CHD6: variants seen among roughly 807,000 people sequenced by gnomAD.
CHD6 encodes the protein ATP-dependent chromatin remodeler CHD6.
CHD6 carries 50 observed loss-of-function variants against 276.9 expected under a neutral mutation model. The ratio of observed to expected loss-of-function variants is 0.18; its 90% confidence interval spans 0.14 to 0.23. The LOEUF (loss-of-function observed/expected upper bound fraction) is 0.23, where lower values mean the gene tolerates loss of function less well. CHD6 is among the 10% of genes least tolerant of loss of function. The pLI, the probability that CHD6 is intolerant of heterozygous loss-of-function variation, is 1.00. For missense variants in CHD6, 2,564 were observed against 3,365.8 expected, an observed-to-expected ratio of 0.76 and a Z score of 5.89; for synonymous variants, 1,173 against 1,229.3, an observed-to-expected ratio of 0.95 and a Z score of 0.96.
chr20:41,528,925 T>C (rs2044611768), intron 3 of CHD6, among the ~76,000 whole-genome samples: 1 of 152,180 alleles, frequency 6.6e-6, no homozygotes, highest in African/African-American at 2.4e-5. Flanking sequence ...AAGGATACCA[T>C]GGAGTATGCA....
At chr20:41,454,577 G>A (rs2048330512) in intron 20 of CHD6, 49 bp downstream of exon 20, 1 of 1,381,206 alleles carries the variant, frequency 7.2e-7, no homozygotes. Context: ...TTATTGTCAT[G>A]TATGACATAA....
Position 41,592,794 on chromosome 20 carries a change from T to A in CHD6, c.-24+25546A>T, listed in dbSNP as rs1389499507. 3.9e-5 allele frequency among the ~76,000 whole-genome samples: 6 copies of A among 152,066 alleles called. No homozygotes were observed. The East Asian group carries it at 1.2e-3, about 29-fold the overall frequency. On this transcript the variant is annotated intron_variant, in intron 1 of 36. Coordinates refer to ENST00000373233, the MANE Select transcript of CHD6 (RefSeq NM_032221.5). ...CGGGGATGCCATGACTTCCCAAGAT[T>A]CCCTGTTTTACATTAGGCTGGGTCT...
At chr20:41,540,043 G>C (rs1037869710) in intron 2 of CHD6, among the ~76,000 whole-genome samples, 2 of 152,204 alleles carry the variant, frequency 1.3e-5, no homozygotes, top group Non-Finnish European at 2.9e-5. Context: ...CCATCATCAT[G>C]TCTGGGTGAT....
chr20:41,418,684 T>C (rs946588742), intron 31 of CHD6, among the ~76,000 whole-genome samples: 1 of 152,094 alleles, frequency 6.6e-6, no homozygotes, highest in African/African-American at 2.4e-5. Context: ...ACCAATTAAT[T>C]ACTGCTCCTT....
chr20:41,523,975 C>G (rs1394105674), intron 3 of CHD6, among the ~76,000 whole-genome samples: 2 of 152,114 alleles, frequency 1.3e-5, no homozygotes, highest in East Asian at 3.8e-4. Flanking sequence ...CAGAGCCTTA[C>G]GGAAAGAATG....
Position 41,431,527 on chromosome 20 carries a change from A to T in CHD6, c.4069-5374T>A, listed in dbSNP as rs529471115. Among the ~76,000 whole-genome samples, 3 of 152,302 alleles carry T rather than the reference A, an allele frequency of 2.0e-5. No homozygotes were observed. The South Asian group carries it at 6.2e-4, about 32-fold the overall frequency. On this transcript the variant is annotated intron_variant, in intron 27 of 36. Coordinates refer to ENST00000373233, the MANE Select transcript of CHD6 (RefSeq NM_032221.5). Reference sequence around the variant, plus strand: ...CATTCTCTCTATTACTCAATGCTAGAGAAAATTTGGTCATATGGTGCTGGG... The same window carrying T: ...CATTCTCTCTATTACTCAATGCTAGTGAAAATTTGGTCATATGGTGCTGGG...
intron 27 of CHD6, among the ~76,000 whole-genome samples, chr20:41,431,828 G>T (rs1434293856): frequency 6.9e-6 from 1 of 143,898 alleles, no homozygotes; most frequent in African/African-American, 2.7e-5. Flanking sequence ...AAAGAAGCGG[G>T]CTACCCGGAA....
At chr20:41,458,781 G>A (rs563537970) in intron 17 of CHD6, among the ~76,000 whole-genome samples, 5 of 152,036 alleles carry the variant, frequency 3.3e-5, no homozygotes, top group South Asian at 2.1e-4. Context: ...CTTTTAGCGG[G>A]AATGTTTTTT....
chr20:41,430,247 T>C (rs77565373), intron 27 of CHD6, among the ~76,000 whole-genome samples: 1 of 152,384 alleles, frequency 6.6e-6, no homozygotes, highest in South Asian at 2.1e-4. Context: ...AATGATATTC[T>C]ATACCCCAGG....
intron 1 of CHD6, among the ~76,000 whole-genome samples, chr20:41,575,937 A>G (rs1351243501): frequency 6.6e-6 from 1 of 152,194 alleles, no homozygotes; most frequent in Non-Finnish European, 1.5e-5. Flanking sequence ...CCCTAAAACT[A>G]CATACCATGA....
At chr20:41,494,739 T>C (rs952868687) in intron 8 of CHD6, among the ~76,000 whole-genome samples, 28 of 152,306 alleles carry the variant, frequency 1.8e-4, no homozygotes, top group African/African-American at 6.5e-4. Flanking sequence ...CAAGGCACTT[T>C]TGGGGCTAAT....
chr20:41,472,423 A>G (rs1023698211), intron 17 of CHD6, among the ~76,000 whole-genome samples: 3 of 152,078 alleles, frequency 2.0e-5, no homozygotes. Context: ...CTTTTGATCA[A>G]TCACCTGTAT....
Position 41,420,793 on chromosome 20 carries a change from G to A in CHD6, c.5842C>T (p.His1948Tyr). 1 of 1,614,202 alleles carries A rather than the reference G, an allele frequency of 6.2e-7. No individual in the cohort carries two copies. Reference protein sequence around the residue: ...CHCKHMERWMHGLENDEFEIE... With the variant: ...CHCKHMERWMYGLENDEFEIE... ...TCAAATTCATCATTCTCGAGGCCAT[G>A]CATCCACCTCTCCATGTGTTTGCAG... is the stretch of plus-strand genomic sequence containing the variant. Residue 1948 changes from histidine (H) to tyrosine (Y), a missense_variant, in exon 31 of 37, where the codon CAT becomes TAT. By Grantham distance (83) the His-to-Tyr change is moderately conservative. Around this residue, in one of 7 missense-constraint regions of CHD6, gnomAD observed 1,024 missense variants for 1,047.9 expected, o/e 0.98. Coordinates refer to ENST00000373233, the MANE Select transcript of CHD6 (RefSeq NM_032221.5).
intron 1 of CHD6, among the ~76,000 whole-genome samples, chr20:41,572,646 C>T (rs1196116768): frequency 1.3e-5 from 2 of 152,170 alleles, no homozygotes; most frequent in African/African-American, 4.8e-5. Context: ...CACAGCGGCA[C>T]CCAACTCCCT....
At chr20:41,515,258 A>G (rs958619857) in intron 3 of CHD6, among the ~76,000 whole-genome samples, 4 of 152,198 alleles carry the variant, frequency 2.6e-5, no homozygotes, top group Non-Finnish European at 5.9e-5. Flanking sequence ...AGGAAGTTCA[A>G]CTGCTTCACA....
rs899403144 is a variant in CHD6, at chr20:41,404,878, G to A, written c.7863C>T (p.Leu2621=). 8 of 1,613,970 alleles carry A rather than the reference G, an allele frequency of 5.0e-6. No individual in the cohort carries two copies. The highest frequency in any genetic ancestry group is 1.3e-5 in the African/African-American group (1 of 74,920). The change falls in exon 37 of 37, where the codon CTC becomes CTT. Residue 2621 remains leucine (L), a synonymous_variant. Transcript: ENST00000373233. ...GGGAGAGGAACATGGATGGGTAAATGAGTCCAGGAGATACTCCTGGGATGA... is the reference window on the plus strand; with the variant it reads ...GGGAGAGGAACATGGATGGGTAAATAAGTCCAGGAGATACTCCTGGGATGA... ...PFLIPGVSPG[L]IYPSMFLSPG...
At chr20:41,550,613 C>A (rs1410397701) in intron 2 of CHD6, among the ~76,000 whole-genome samples, 1 of 152,094 alleles carries the variant, frequency 6.6e-6, no homozygotes, top group Non-Finnish European at 1.5e-5. Flanking sequence ...ATTTAGATAC[C>A]CCAATTCCCA....
At chr20:41,496,271 G>A (rs1397774569) in intron 8 of CHD6, among the ~76,000 whole-genome samples, 1 of 152,190 alleles carries the variant, frequency 6.6e-6, no homozygotes, top group Admixed American at 6.5e-5. Context: ...GAACCAGAAA[G>A]ATTCCAAGAA....
At position 41,403,420 on chromosome 20, in the gene CHD6, T is replaced by C; in HGVS notation, c.*1173A>G. On this transcript the variant is annotated 3_prime_UTR_variant, in exon 37 of 37. Coordinates refer to ENST00000373233, the MANE Select transcript of CHD6 (RefSeq NM_032221.5). ...TCTCAGTTCCTAAACATGGAGAAGC[T>C]GAGGAAGAAGAGAAAATAATGTTGA... The C allele has an allele frequency of 1.9e-6, 2 of 1,062,060 alleles. No individual in the cohort carries two copies. Among genetic ancestry groups the C allele is most frequent in the Non-Finnish European group, 2.3e-6 (2 of 877,156 alleles). 65.8% of individuals were successfully genotyped at this position (1,062,060 alleles called of 1,614,324 possible). A position where few individuals can be genotyped will look rare whatever the true frequency, so the allele number is the denominator to read the frequency against.
Sources: allele counts gnomAD v4.1 joint callset (sites outside exome capture counted in the v4.1 genomes callset), GRCh38; gene constraint gnomAD v4.1.1; regional missense constraint gnomAD v4.1.1; transcripts MANE v1.5; gene names NCBI Gene and HGNC (gene_info 2026-07-23, HGNC 2026-07-21).